ABCB4: variants seen among roughly 807,000 people sequenced by gnomAD.
ABCB4 encodes the protein ATP binding cassette subfamily B member 4.
Under a neutral mutation model 145.7 loss-of-function variants are expected in ABCB4, and 76 were observed. The ratio of observed to expected loss-of-function variants is 0.52; its 90% CI spans 0.43 to 0.63. The LOEUF (loss-of-function observed/expected upper bound fraction) is 0.63, where lower values mean the gene tolerates loss of function less well. Among genes scored for constraint, ABCB4 ranks in the 30% least tolerant of loss-of-function variants. ABCB4 has a pLI of 0.00. For synonymous variants in ABCB4, 517 were observed against 566.8 expected, an observed-to-expected ratio of 0.91 and a Z score of 1.25; for missense variants, 1,234 against 1,553.1, an observed-to-expected ratio of 0.79 and a Z score of 3.45.
the ABCB4 span, chr7:87,381,864 T>C: frequency 7.5e-7 from 1 of 1,331,402 alleles, no homozygotes; most frequent in Non-Finnish European, 1.1e-6. Context: ...GGTCAAGTTT[T>C]AAGTTGACAT....
At chr7:87,456,689 A>C (rs1171586115) in intron 4 of ABCB4, among the ~76,000 whole-genome samples, 1 of 152,156 alleles carries the variant, frequency 6.6e-6, no homozygotes, top group Non-Finnish European at 1.5e-5. Context: ...AAATGGACTA[A>C]CACAGATACC....
At position 87,450,286 on chromosome 7, in the gene ABCB4, G is replaced by C. The variant is rs4148821; in HGVS notation, c.709-194C>G. ...CAAAGGCTATATCTGACCCACCCTG[G>C]TGATAGGCTCCCCAAGAGTACTCAG... is the stretch of plus-strand genomic sequence containing the variant. On this transcript the variant is annotated intron_variant, in intron 7 of 27. Transcript: ENST00000649586. Among the ~76,000 whole-genome samples the C allele has an allele frequency of 0.22, 33,640 of 151,890 alleles. 4,029 individuals carry two copies. Among genetic ancestry groups the C allele is most frequent in the African/African-American group, 0.31 (12,856 of 41,382 alleles).
intron 19 of ABCB4, among the ~76,000 whole-genome samples, chr7:87,419,644 A>C (rs904815445): frequency 6.6e-6 from 1 of 152,244 alleles, no homozygotes; most frequent in African/African-American, 2.4e-5. Flanking sequence ...TTCTTGGTTT[A>C]AAGACATCCT....
chr7:87,425,212 A>T (rs1809724894), intron 16 of ABCB4, among the ~76,000 whole-genome samples: 1 of 152,128 alleles, frequency 6.6e-6, no homozygotes, highest in Admixed American at 6.5e-5. Flanking sequence ...GGTACTTGGG[A>T]CAATCTTGTT....
the ABCB4 span, among the ~76,000 whole-genome samples, chr7:87,371,483 A>G: frequency 6.6e-6 from 1 of 152,238 alleles, no homozygotes; most frequent in Admixed American, 6.5e-5. Context: ...ATAACAAATA[A>G]TTAACATTTT....
chr7:87,411,922 A>G lies in ABCB4; in HGVS notation c.2895T>C (p.Asn965=). Residue 965 remains asparagine (N), a synonymous_variant, in exon 23 of 28, where the codon AAT becomes AAC. Transcript: ENST00000649586. The part of the protein sequence containing the change: ...CFRFGAYLIV[N]GHMRFRDVIL... ...TAACATCTCTGAAGCGCATATGTCC[A>G]TTCACAATGAGATATGCACCAAATC... is the stretch of plus-strand genomic sequence containing the variant. The G allele has an allele frequency of 6.2e-7, 1 of 1,613,776 alleles. No individual in the cohort carries two copies. Among genetic ancestry groups the G allele is most frequent in the Non-Finnish European group, 8.5e-7 (1 of 1,179,700 alleles).
At position 87,426,938 on chromosome 7, in the gene ABCB4, C is replaced by CTA. The variant is rs1809863659; in HGVS notation, c.1894-19_1894-18insTA. On this transcript the variant is annotated intron_variant, in intron 15 of 27. Coordinates refer to ENST00000649586, the MANE Select transcript of ABCB4 (RefSeq NM_000443.4). ...CCTGATGTCTGAAAGAATATCAAGACATTAAAGTGTGTGTGTGTGTGTGTG... is the reference window on the plus strand; with the variant it reads ...CCTGATGTCTGAAAGAATATCAAGACTAATTAAAGTGTGTGTGTGTGTGTGTG... 6.9e-7 allele frequency: 1 copy of CTA among 1,455,626 alleles called. No homozygotes were observed. Among genetic ancestry groups the CTA allele is most frequent in the South Asian group, 1.1e-5 (1 of 87,980 alleles). The allele number at this position is 1,455,626 out of a possible 1,614,324, so 90.2% of individuals were successfully genotyped here. A position where few individuals can be genotyped will look rare whatever the true frequency, so the allele number is the denominator to read the frequency against.
chr7:87,447,660 C>T (rs1295387354), intron 8 of ABCB4, among the ~76,000 whole-genome samples: 1 of 152,184 alleles, frequency 6.6e-6, no homozygotes, highest in Non-Finnish European at 1.5e-5. Context: ...AATCGTCCCT[C>T]TATTGTCCAC....
chr7:87,464,741 T>G (rs1414275862), intron 3 of ABCB4, among the ~76,000 whole-genome samples: 1 of 152,162 alleles, frequency 6.6e-6, no homozygotes, highest in Non-Finnish European at 1.5e-5. Flanking sequence ...AGATATCTAG[T>G]AAGAGGTGAA....
At chr7:87,429,506 T>C (rs1810057082) in intron 15 of ABCB4, among the ~76,000 whole-genome samples, 1 of 152,194 alleles carries the variant, frequency 6.6e-6, no homozygotes, top group African/African-American at 2.4e-5. Flanking sequence ...TCTTTAGCAG[T>C]CTCCCAATCC....
chr7:87,458,626 A>G (rs1245273068), intron 4 of ABCB4, among the ~76,000 whole-genome samples: 1 of 152,226 alleles, frequency 6.6e-6, no homozygotes, highest in East Asian at 1.9e-4. Flanking sequence ...GTCTGGATTT[A>G]GAGTGAGTAT....
the ABCB4 span, among the ~76,000 whole-genome samples, chr7:87,393,791 A>G: frequency 6.6e-6 from 1 of 152,226 alleles, no homozygotes; most frequent in African/African-American, 2.4e-5. Flanking sequence ...TATGCATGAC[A>G]TATTTCAGTT....
At chr7:87,369,187 A>G in the ABCB4 span, among the ~76,000 whole-genome samples, 1 of 152,238 alleles carries the variant, frequency 6.6e-6, no homozygotes, top group Non-Finnish European at 1.5e-5. Flanking sequence ...AACAAGTGTC[A>G]GGAGTATGTA....
intron 10 of ABCB4, 79 bp from the exon 11 acceptor site, chr7:87,443,852 T>G: frequency 9.1e-7 from 1 of 1,103,570 alleles, no homozygotes; most frequent in Non-Finnish European, 1.4e-6. Flanking sequence ...TTCAGCAAAT[T>G]CCAAAAATAG....
At chr7:87,401,306 A>G (rs1807770772), downstream of ABCB4, among the ~76,000 whole-genome samples, 1 of 152,160 alleles carries the variant, frequency 6.6e-6, no homozygotes, top group African/African-American at 2.4e-5. Flanking sequence ...TTATTGAAAC[A>G]TTTCAGTGTG....
At chr7:87,414,179 A>G (rs531477249) in intron 21 of ABCB4, among the ~76,000 whole-genome samples, 2 of 152,334 alleles carry the variant, frequency 1.3e-5, no homozygotes, top group East Asian at 1.9e-4. Flanking sequence ...TCCACCCACA[A>G]TGGGAAGGAG....
At chr7:87,456,283 G>A (rs943299080) in intron 4 of ABCB4, among the ~76,000 whole-genome samples, 4 of 152,298 alleles carry the variant, frequency 2.6e-5, no homozygotes, top group African/African-American at 9.6e-5. Flanking sequence ...TAAGGATACT[G>A]ATATGGTTTG....
In ABCB4 at chr7:87,431,554, G is replaced by C. The variant is rs1282757912; in HGVS notation, c.1743C>G (p.Gly581=). The change falls in exon 15 of 28, where the codon GGC becomes GGG. Residue 581 remains glycine, a synonymous_variant. Transcript: ENST00000649586. ...VQAALDKARE[G]RTTIVIAHRL... is the part of the protein sequence containing the mutation. ...GGTGTGCTATCACAATGGTGGTCCG[G>C]CCTTCTCTGGCCTAAAAGAACAAAA... is the stretch of plus-strand genomic sequence containing the variant. The C allele has an allele frequency of 1.9e-6, 3 of 1,614,022 alleles. No individual in the cohort carries two copies. The highest frequency in any genetic ancestry group is 2.5e-6 in the Non-Finnish European group (3 of 1,179,932).
intron 3 of ABCB4, among the ~76,000 whole-genome samples, chr7:87,466,126 A>T (rs1301570948): frequency 6.6e-6 from 1 of 152,228 alleles, no homozygotes; most frequent in Non-Finnish European, 1.5e-5. Flanking sequence ...GTTCGAACCC[A>T]TGGCAAAGAA....
Sources: allele counts gnomAD v4.1 joint callset (sites outside exome capture counted in the v4.1 genomes callset), GRCh38; gene constraint gnomAD v4.1.1; transcripts MANE v1.5; gene names NCBI Gene and HGNC (gene_info 2026-07-23, HGNC 2026-07-21).